KNL1: variants seen among roughly 807,000 people sequenced by gnomAD.
KNL1 encodes the protein kinetochore scaffold 1.
Under a neutral mutation model 201.3 loss-of-function variants are expected in KNL1, and 66 were observed. The ratio of observed to expected loss-of-function variants is 0.33; its 90% CI spans 0.27 to 0.40. The LOEUF is 0.40. Ranked by LOEUF, KNL1 falls within the 10% of genes least tolerant of loss-of-function variation. The pLI, the probability that KNL1 is intolerant of heterozygous loss-of-function variation, is 1.00. For synonymous variants in KNL1, 895 were observed against 899.2 expected, an observed-to-expected ratio of 1.00 and a Z score of 0.08; for missense variants, 2,815 against 2,690.5, an observed-to-expected ratio of 1.05 and a Z score of -1.02.
intron 15 of KNL1, 42 bp downstream of exon 15, chr15:40,645,129 T>G (rs1251318890): frequency 1.5e-6 from 2 of 1,299,428 alleles, no homozygotes; most frequent in Non-Finnish European, 2.2e-6. Flanking sequence ...AGTGAAGACA[T>G]TCTGAACGAT....
intron 7 of KNL1, among the ~76,000 whole-genome samples, chr15:40,612,287 G>T (rs1892191197): frequency 6.7e-6 from 1 of 150,334 alleles, no homozygotes; most frequent in South Asian, 2.1e-4. Flanking sequence ...CTGCACTCCA[G>T]CCTGGGCGAC....
intron 21 of KNL1, 94 bp downstream of exon 21, chr15:40,652,199 T>C (rs926218337): frequency 9.7e-6 from 7 of 721,356 alleles, no homozygotes; most frequent in African/African-American, 1.7e-5. Flanking sequence ...CTGATAACTA[T>C]TGGCATGATG....
intron 13 of KNL1, among the ~76,000 whole-genome samples, chr15:40,634,495 A>G (rs557456846): frequency 6.6e-6 from 1 of 152,332 alleles, no homozygotes; most frequent in Admixed American, 6.5e-5. Flanking sequence ...CTGTTTAGAA[A>G]CAAATCAATT....
rs1038109455 is a variant in KNL1 at position 40,664,314 on chromosome 15, C to T, written c.*2126C>T. 1 of 172,458 alleles carries T rather than the reference C, an allele frequency of 5.8e-6. No individual in the cohort carries two copies. Among genetic ancestry groups the T allele is most frequent in the South Asian group, 2.0e-4 (1 of 4,986 alleles). The allele number at this position is 172,458 out of a possible 1,614,324, so 10.7% of individuals were successfully genotyped here. A position where few individuals can be genotyped will look rare whatever the true frequency, so the allele number is the denominator to read the frequency against. Reference sequence around the variant, plus strand: ...TGGTTGGAAAGCAGATTACATTTTGCACTATTAAAATAAGTTTATTACTTT... The same window carrying T: ...TGGTTGGAAAGCAGATTACATTTTGTACTATTAAAATAAGTTTATTACTTT... On this transcript the variant is annotated 3_prime_UTR_variant, in exon 26 of 26. Coordinates refer to ENST00000399668, the MANE Select transcript of KNL1 (RefSeq NM_144508.5).
At position 40,623,174 on chromosome 15, in the gene KNL1, A is replaced by G. The variant is rs1567008842; in HGVS notation, c.2910A>G (p.Thr970=). ...TTGACTACCAAGAAAAGGAAAGAAC[A>G]GACAGACCTAACTTTGAACTATCCC... ...VFIDYQEKER[T]DRPNFELSQR... The change falls in exon 10 of 26, where the codon ACA becomes ACG. Residue 970 remains threonine, a synonymous_variant. Transcript: ENST00000399668. 3 of 1,613,918 alleles carry G rather than the reference A, an allele frequency of 1.9e-6. No homozygotes were observed. Among genetic ancestry groups the G allele is most frequent in the Admixed American group, 1.7e-5 (1 of 59,998 alleles).
intron 11 of KNL1, 141 bp downstream of exon 11, chr15:40,628,349 G>C: frequency 1.2e-6 from 1 of 849,242 alleles, no homozygotes; most frequent in Non-Finnish European, 1.7e-6. Flanking sequence ...ATAATATTTA[G>C]TTTATTTTTA....
At chr15:40,606,047 T>A (rs1008467860) in intron 3 of KNL1, among the ~76,000 whole-genome samples, 1 of 152,216 alleles carries the variant, frequency 6.6e-6, no homozygotes, top group African/African-American at 2.4e-5. Context: ...AGCTTGATTA[T>A]CCTGATATGG....
intron 13 of KNL1, among the ~76,000 whole-genome samples, chr15:40,633,198 G>A (rs180951811): frequency 5.0e-4 from 76 of 151,974 alleles, no homozygotes; most frequent in African/African-American, 1.7e-3. Context: ...GCATGATGGC[G>A]CGTGCCTGGA....
Position 40,629,257 on chromosome 15 carries a change from T to C in KNL1, c.5584-16T>C, listed in dbSNP as rs200823983. On this transcript the variant is annotated splice_polypyrimidine_tract_variant and intron_variant, in intron 12 of 25. Coordinates refer to ENST00000399668, the MANE Select transcript of KNL1 (RefSeq NM_144508.5). ...TCACATTGAATGGTCATGCAAACTT[T>C]TTTTTCTTTTCTCAGAAACTCCAAG... 1.1e-4 allele frequency: 173 copies of C among 1,522,950 alleles called. 1 individual carries two copies. Among genetic ancestry groups the C allele is most frequent in the Non-Finnish European group, 1.5e-4 (165 of 1,125,602 alleles). 94.3% of individuals were successfully genotyped at this position (1,522,950 alleles called of 1,614,324 possible). A position where few individuals can be genotyped will look rare whatever the true frequency, so the allele number is the denominator to read the frequency against.
In KNL1 at chr15:40,623,633, G is replaced by A. The variant is rs1335258342; in HGVS notation, c.3369G>A (p.Gln1123=). ...ASKTILYSCG[Q]DDMEITRSHT... is the part of the protein sequence containing the mutation. ...AAACTATTTTGTATTCATGTGGGCA[G>A]GATGACATGGAGATCACTAGGAGTC... is the stretch of plus-strand genomic sequence containing the variant. Residue 1123 remains glutamine (Q), a synonymous_variant, in exon 10 of 26, where the codon CAG becomes CAA. Coordinates refer to ENST00000399668, the MANE Select transcript of KNL1 (RefSeq NM_144508.5). 6.2e-7 allele frequency: 1 copy of A among 1,613,832 alleles called. No individual in the cohort carries two copies. The highest frequency in any genetic ancestry group is 1.1e-5 in the South Asian group (1 of 91,076).
chr15:40,656,505 C>T (rs1893738090), intron 22 of KNL1, among the ~76,000 whole-genome samples: 1 of 152,282 alleles, frequency 6.6e-6, no homozygotes, highest in Non-Finnish European at 1.5e-5. Context: ...TACTCAAGTA[C>T]TGTTTCTATA....
At chr15:40,658,822 C>CAG (rs1348077389) in intron 24 of KNL1, among the ~76,000 whole-genome samples, 2 of 148,146 alleles carry the variant, frequency 1.4e-5, no homozygotes, top group Non-Finnish European at 3.0e-5. Context: ...CCCAGCTAAT[C>CAG]AGGAGGCTGA....
intron 14 of KNL1, chr15:40,643,321 G>A (rs986381623): frequency 6.6e-6 from 1 of 152,058 alleles, no homozygotes; most frequent in Non-Finnish European, 1.5e-5. Flanking sequence ...CCGCCACCAT[G>A]CCTGGCTAAT....
In KNL1 at chr15:40,663,628, GTAA is replaced by G; in HGVS notation, c.*1446_*1448del. ...ACACTAGTTTCATCAATTTCTAGCAGTAATAATAGACTTGCTGTAAGTATTGTT... is the reference window on the plus strand; with the variant it reads ...ACACTAGTTTCATCAATTTCTAGCAGTAATAGACTTGCTGTAAGTATTGTT... On this transcript the variant is annotated 3_prime_UTR_variant, in exon 26 of 26. Transcript: ENST00000399668. The G allele has an allele frequency of 5.1e-6, 1 of 194,288 alleles. No homozygotes were observed. The highest frequency in any genetic ancestry group is 8.1e-5 in the East Asian group (1 of 12,306). The allele number at this position is 194,288 out of a possible 1,614,324, so 12.0% of individuals were successfully genotyped here.
chr15:40,600,268 T>C (rs1211714154), intron 1 of KNL1, among the ~76,000 whole-genome samples: 1 of 152,136 alleles, frequency 6.6e-6, no homozygotes, highest in Non-Finnish European at 1.5e-5. Flanking sequence ...AGAGACGGGG[T>C]TTCACCATGT....
intron 7 of KNL1, among the ~76,000 whole-genome samples, chr15:40,614,393 C>T (rs760951176): frequency 5.9e-5 from 9 of 152,120 alleles, no homozygotes; most frequent in East Asian, 5.8e-4. Flanking sequence ...CCACCACACC[C>T]GGCCTAATTT....
intron 13 of KNL1, among the ~76,000 whole-genome samples, chr15:40,640,478 A>C (rs547147763): frequency 1.3e-5 from 2 of 152,116 alleles, no homozygotes; most frequent in African/African-American, 4.8e-5. Flanking sequence ...CCAAATTTTC[A>C]CTGCCTTATT....
At chr15:40,617,746 TACTC>T (rs1474758667) in intron 8 of KNL1, among the ~76,000 whole-genome samples, 3 of 152,094 alleles carry the variant, frequency 2.0e-5, no homozygotes, top group Non-Finnish European at 4.4e-5. Context: ...CGGTGGGAGA[TACTC>T]CTCCTTGAGG....
intron 16 of KNL1, 53 bp from the exon 17 acceptor site, chr15:40,646,934 A>G (rs936460770): frequency 1.3e-6 from 1 of 763,516 alleles, no homozygotes; most frequent in East Asian, 2.6e-5. Context: ...TGAACCATTT[A>G]TAATATTTTC....
Sources: allele counts gnomAD v4.1 joint callset (sites outside exome capture counted in the v4.1 genomes callset), GRCh38; gene constraint gnomAD v4.1.1; transcripts MANE v1.5; gene names NCBI Gene and HGNC (gene_info 2026-07-23, HGNC 2026-07-21).